Variants in ZNF90 observed in about 807,000 individuals in gnomAD.
The protein encoded by ZNF90 is zinc finger protein HTF9.
Under a neutral mutation model 12.0 loss-of-function variants are expected in ZNF90, and 11 were observed. That is an observed-to-expected ratio of 0.92 (90% CI 0.58 to 1.52). ZNF90 has a LOEUF of 1.52. Ranked by LOEUF, ZNF90 falls within the 40% of genes most tolerant of loss-of-function variation. The probability of loss-of-function intolerance (pLI) is 0.00; values close to 1 mark genes in which losing one functional copy is unlikely to be tolerated. For missense variants in ZNF90, 765 were observed against 711.5 expected, an observed-to-expected ratio of 1.08 and a Z score of -0.86; for synonymous variants, 232 against 240.1, an observed-to-expected ratio of 0.97 and a Z score of 0.31.
intron 3 of ZNF90, among the ~76,000 whole-genome samples, chr19:20,117,378 C>CTT (rs2089147654): frequency 7.3e-6 from 1 of 136,792 alleles, no homozygotes; most frequent in Non-Finnish European, 1.5e-5. Context: ...CTTTTTTTTC[C>CTT]TTTCTTTTCT....
At chr19:20,088,504 G>C (rs1264080625) in intron 1 of ZNF90, among the ~76,000 whole-genome samples, 1 of 152,202 alleles carries the variant, frequency 6.6e-6, no homozygotes, top group African/African-American at 2.4e-5. Flanking sequence ...TCCAATTAGA[G>C]AGTGCCCAAG....
At chr19:20,088,269 G>A (rs2088875935) in intron 1 of ZNF90, among the ~76,000 whole-genome samples, 1 of 152,084 alleles carries the variant, frequency 6.6e-6, no homozygotes, top group Non-Finnish European at 1.5e-5. Context: ...CGGGATTGGG[G>A]GGGCGTGGGA....
At chr19:20,093,603 C>A (rs1341411006) in intron 1 of ZNF90, among the ~76,000 whole-genome samples, 1 of 152,066 alleles carries the variant, frequency 6.6e-6, no homozygotes, top group Non-Finnish European at 1.5e-5. Context: ...AATAAGGGAA[C>A]TGGGCAGGTG....
chr19:20,117,359 G>GTTTCTTTTCTTTTTTTTCCTTTCT (rs1189291531), intron 3 of ZNF90, among the ~76,000 whole-genome samples: 1 of 150,256 alleles, frequency 6.7e-6, no homozygotes, highest in East Asian at 1.9e-4. Flanking sequence ...TCTTTGTTTC[G>GTTTCTTTTCTTTTTTTTCCTTTCT]TTTCTTTTCT....
chr19:20,103,435 C>A (rs1169109391), intron 1 of ZNF90, among the ~76,000 whole-genome samples: 2 of 152,190 alleles, frequency 1.3e-5, no homozygotes, highest in Non-Finnish European at 2.9e-5. Flanking sequence ...AGGAATATTT[C>A]AACAGTGATG....
intron 1 of ZNF90, among the ~76,000 whole-genome samples, chr19:20,082,033 G>A (rs1444144638): frequency 6.6e-6 from 1 of 151,790 alleles, no homozygotes; most frequent in East Asian, 1.9e-4. Context: ...TAAAGTGCTG[G>A]GATTACAGGC....
chr19:20,109,331 A>AT (rs1214205792), intron 3 of ZNF90, among the ~76,000 whole-genome samples: 4 of 152,072 alleles, frequency 2.6e-5, no homozygotes, highest in African/African-American at 9.7e-5. Flanking sequence ...AATTTTAGAT[A>AT]TTTTTTCTTA....
chr19:20,118,392 A>T lies in ZNF90; in HGVS notation c.838A>T (p.Thr280Ser), dbSNP rs1403322954. ...STLTAHKRIH[T>S]GEKPYKCDKC... ...CCTTACTGCACATAAGAGAATTCAT[A>T]CTGGAGAGAAACCCTACAAGTGTGA... The change falls in exon 4 of 4, where the codon ACT becomes TCT. Residue 280 changes from threonine to serine, a missense_variant. Thr to Ser is a moderately conservative substitution (Grantham distance 58). Transcript: ENST00000418063. 3.1e-6 allele frequency: 5 copies of T among 1,606,020 alleles called. No individual in the cohort carries two copies. Among genetic ancestry groups the T allele is most frequent in the Non-Finnish European group, 4.3e-6 (5 of 1,175,762 alleles).
At chr19:20,087,826 C>G (rs151315335) in intron 1 of ZNF90, among the ~76,000 whole-genome samples, 2,267 of 151,900 alleles carry the variant, frequency 0.015, 53 homozygotes, top group African/African-American at 0.052. Context: ...TATAGGATTT[C>G]GGTAGGTAAA....
At chr19:20,100,205 T>C (rs1568286899) in intron 1 of ZNF90, among the ~76,000 whole-genome samples, 1 of 152,062 alleles carries the variant, frequency 6.6e-6, no homozygotes. Context: ...GAAGGAAAAA[T>C]ACTTTTGCCT....
chr19:20,078,926 C>G (rs995770509), intron 1 of ZNF90, among the ~76,000 whole-genome samples: 2 of 151,976 alleles, frequency 1.3e-5, no homozygotes, highest in Non-Finnish European at 2.9e-5. Flanking sequence ...TCTAGACCAG[C>G]CTATCCAACG....
intron 1 of ZNF90, among the ~76,000 whole-genome samples, chr19:20,091,796 G>A (rs534463237): frequency 1.3e-5 from 2 of 152,350 alleles, no homozygotes; most frequent in East Asian, 3.9e-4. Flanking sequence ...AATATGAAAG[G>A]CATATTTAGA....
At chr19:20,101,651 A>C (rs1411159529) in intron 1 of ZNF90, among the ~76,000 whole-genome samples, 2 of 152,126 alleles carry the variant, frequency 1.3e-5, no homozygotes, top group Non-Finnish European at 2.9e-5. Flanking sequence ...ATTTGTTGTC[A>C]TGCTAGGAGG....
chr19:20,084,509 T>G (rs1455072142), intron 1 of ZNF90, among the ~76,000 whole-genome samples: 2 of 152,224 alleles, frequency 1.3e-5, no homozygotes, highest in African/African-American at 4.8e-5. Flanking sequence ...TATACCCAGT[T>G]GTGGGGCTCC....
At chr19:20,105,918 A>G (rs2089031818) in intron 3 of ZNF90, among the ~76,000 whole-genome samples, 1 of 152,052 alleles carries the variant, frequency 6.6e-6, no homozygotes, top group Admixed American at 6.6e-5. Flanking sequence ...TACCACTGCA[A>G]TTTTGCTAGG....
intron 1 of ZNF90, among the ~76,000 whole-genome samples, chr19:20,088,800 CAG>C (rs2088879692): frequency 6.6e-6 from 1 of 152,140 alleles, no homozygotes; most frequent in South Asian, 2.1e-4. Flanking sequence ...AAGGTCGTGA[CAG>C]AGGTTGAAAT....
At chr19:20,100,414 T>A (rs782582012) in intron 1 of ZNF90, among the ~76,000 whole-genome samples, 12 of 152,230 alleles carry the variant, frequency 7.9e-5, no homozygotes, top group Non-Finnish European at 1.5e-4. Context: ...CCCTGTATCA[T>A]TAACCTCCTT....
At chr19:20,080,211 T>C (rs1033265696) in intron 1 of ZNF90, 26 of 569,064 alleles carry the variant, frequency 4.6e-5, no homozygotes, top group South Asian at 3.5e-4. Flanking sequence ...AGTACCACCG[T>C]CCTGACGGTG....
At chr19:20,108,612 C>A (rs1236715172) in intron 3 of ZNF90, among the ~76,000 whole-genome samples, 1 of 152,080 alleles carries the variant, frequency 6.6e-6, no homozygotes, top group African/African-American at 2.4e-5. Context: ...GCCACCGTGC[C>A]TGGCCTGACT....
Sources: allele counts gnomAD v4.1 joint callset (sites outside exome capture counted in the v4.1 genomes callset), GRCh38; gene constraint gnomAD v4.1.1; transcripts MANE v1.5; gene names NCBI Gene and HGNC (gene_info 2026-07-23, HGNC 2026-07-21).